The following IQGAP2 variants were observed in gnomAD, a reference collection of about 807,000 sequenced individuals.
IQGAP2 encodes IQ motif containing GTPase activating protein 2, also known as ras GTPase-activating-like protein IQGAP2.
A neutral mutation model predicts 201.3 loss-of-function variants in IQGAP2; 173 were observed. The observed-to-expected ratio is 0.86, with a 90% confidence interval of 0.76 to 0.98. The LOEUF (loss-of-function observed/expected upper bound fraction) is 0.98, where lower values mean the gene tolerates loss of function less well. Among genes scored for constraint, IQGAP2 ranks in the 50% least tolerant of loss-of-function variants. IQGAP2 has a pLI of 0.00. For missense variants in IQGAP2, 1,687 were observed against 1,864.8 expected (o/e 0.90, Z 1.76); for synonymous variants, 675 against 673.9 (o/e 1.00, Z -0.03).
intron 2 of IQGAP2, among the ~76,000 whole-genome samples, chr5:76,491,300 G>C (rs940893369): frequency 6.6e-6 from 1 of 152,132 alleles, no homozygotes; most frequent in African/African-American, 2.4e-5. Context: ...ACAGTGGAAA[G>C]ATTAGGAAGA....
intron 13 of IQGAP2, chr5:76,618,606 G>C (rs1749264046): frequency 1.2e-6 from 2 of 1,613,534 alleles, no homozygotes; most frequent in East Asian, 4.5e-5. Context: ...AATGGGTAAG[G>C]TTGGCTTTGC....
At chr5:76,489,158 G>A (rs1470639513) in intron 2 of IQGAP2, among the ~76,000 whole-genome samples, 16 of 152,138 alleles carry the variant, frequency 1.1e-4, no homozygotes, top group Admixed American at 9.8e-4. Flanking sequence ...CATGGAACAC[G>A]CAGGTGAACA....
chr5:76,558,100 C>T (rs776506384), intron 2 of IQGAP2, among the ~76,000 whole-genome samples: 8 of 152,146 alleles, frequency 5.3e-5, no homozygotes, highest in Non-Finnish European at 1.0e-4. Context: ...CCACCATGCC[C>T]GGCCTGGTAT....
intron 13 of IQGAP2, among the ~76,000 whole-genome samples, chr5:76,614,228 A>G (rs1748686775): frequency 6.6e-6 from 1 of 152,168 alleles, no homozygotes; most frequent in South Asian, 2.1e-4. Context: ...GTCCTTTGAA[A>G]GAAGCCCCTG....
Position 76,608,880 on chromosome 5 carries a change from C to T in IQGAP2, c.1358-2140C>T, listed in dbSNP as rs115679888. On this transcript the variant is annotated intron_variant, in intron 12 of 35. Coordinates refer to ENST00000274364, the MANE Select transcript of IQGAP2 (RefSeq NM_006633.5). ...GTTACCTCATCTGCTGCCTCAAATA[C>T]ATGAACTCTAAAAGAACGCCCACTC... 8.1e-3 allele frequency: 3,518 copies of T among 436,902 alleles called. 31 individuals are homozygous for T. The highest frequency in any genetic ancestry group is 0.01 in the Non-Finnish European group (2,396 of 236,702). The allele number at this position is 436,902 out of a possible 1,614,324, so 27.1% of individuals were successfully genotyped here.
chr5:76,453,822 G>A (rs1753907019), intron 1 of IQGAP2, among the ~76,000 whole-genome samples: 1 of 152,154 alleles, frequency 6.6e-6, no homozygotes, highest in South Asian at 2.1e-4. Context: ...AACAGTTAAA[G>A]CATAAAAGGT....
chr5:76,421,309 T>C (rs1278296753), intron 1 of IQGAP2, among the ~76,000 whole-genome samples: 1 of 151,500 alleles, frequency 6.6e-6, no homozygotes, highest in Admixed American at 6.6e-5. Context: ...TAAAGAGCAA[T>C]GGGTATAAAG....
At chr5:76,533,698 T>G (rs1759457602) in intron 2 of IQGAP2, among the ~76,000 whole-genome samples, 2 of 151,960 alleles carry the variant, frequency 1.3e-5, no homozygotes, top group African/African-American at 2.4e-5. Context: ...CCACCACACC[T>G]GGCTAATTTT....
rs190164915 is a variant in IQGAP2 at position 76,551,345 on chromosome 5, G to A, written c.147-11051G>A. ...CACTTCCTAGATGGGATGGCAGCTG[G>A]GAAGAGGCACTCCTCACTTCCCAGA... On this transcript the variant is annotated intron_variant, in intron 2 of 35. Coordinates refer to ENST00000274364, the MANE Select transcript of IQGAP2 (RefSeq NM_006633.5). 6.0e-3 allele frequency among the ~76,000 whole-genome samples: 902 copies of A among 150,434 alleles called. 5 individuals carry two copies. Among genetic ancestry groups the A allele is most frequent in the African/African-American group, 0.021 (858 of 40,844 alleles).
intron 3 of IQGAP2, among the ~76,000 whole-genome samples, chr5:76,568,607 T>A (rs183434976): frequency 6.6e-6 from 1 of 152,288 alleles, no homozygotes; most frequent in Admixed American, 6.5e-5. Flanking sequence ...TCAAACAAGA[T>A]TAGGTTTATT....
chr5:76,457,558 T>A (rs890125463), intron 1 of IQGAP2, among the ~76,000 whole-genome samples: 2 of 152,182 alleles, frequency 1.3e-5, no homozygotes, highest in African/African-American at 4.8e-5. Flanking sequence ...GTTGAACAAA[T>A]GAGTGAATTT....
rs56929376 is a variant in IQGAP2 at position 76,501,643 on chromosome 5, C to CTTTTTTTTTTTT, written c.146+39977_146+39988dup. Among the ~76,000 whole-genome samples, 25 of 101,120 alleles carry CTTTTTTTTTTTT rather than the reference C, an allele frequency of 2.5e-4. 8 individuals are homozygous for CTTTTTTTTTTTT. Among genetic ancestry groups the CTTTTTTTTTTTT allele is most frequent in the East Asian group, 7.9e-4 (3 of 3,776 alleles). The allele number at this position is 101,120 out of a possible 152,430, so 66.3% of individuals were successfully genotyped here. A position where few individuals can be genotyped will look rare whatever the true frequency, so the allele number is the denominator to read the frequency against. On this transcript the variant is annotated intron_variant, in intron 2 of 35. Transcript: ENST00000274364. ...CCTGCTGCATTTTCTTTTTCCTTTT[C>CTTTTTTTTTTTT]TTTTTTTTTTTTTTCCTTGAGACAG... is the stretch of plus-strand genomic sequence containing the variant.
chr5:76,477,689 G>A (rs1220862972), intron 2 of IQGAP2, among the ~76,000 whole-genome samples: 1 of 152,122 alleles, frequency 6.6e-6, no homozygotes, highest in African/African-American at 2.4e-5. Context: ...AATGGCCCCA[G>A]GCAGGCCCTT....
At chr5:76,453,208 C>T (rs1753878906) in intron 1 of IQGAP2, among the ~76,000 whole-genome samples, 1 of 152,136 alleles carries the variant, frequency 6.6e-6, no homozygotes, top group Non-Finnish European at 1.5e-5. Flanking sequence ...GCCACCGCAC[C>T]CAGCCTTCAA....
chr5:76,591,912 C>T (rs969819852), intron 8 of IQGAP2, among the ~76,000 whole-genome samples: 7 of 152,106 alleles, frequency 4.6e-5, no homozygotes, highest in Non-Finnish European at 7.4e-5. Context: ...GAATGATGGC[C>T]GGGTTTGTCT....
chr5:76,644,814 G>T (rs421666), intron 17 of IQGAP2, among the ~76,000 whole-genome samples: 143,498 of 152,246 alleles, frequency 0.94, 67,918 homozygotes, highest in African/African-American at 0.99. Context: ...GCAAATGAAA[G>T]ATGAGGCATG....
chr5:76,578,054 G>A (rs1745587893), intron 5 of IQGAP2, among the ~76,000 whole-genome samples: 1 of 152,120 alleles, frequency 6.6e-6, no homozygotes, highest in Non-Finnish European at 1.5e-5. Context: ...CCTATTCCCT[G>A]TCATCTTGAT....
chr5:76,565,636 A>G (rs1744692456), intron 3 of IQGAP2, among the ~76,000 whole-genome samples: 2 of 152,206 alleles, frequency 1.3e-5, no homozygotes, highest in South Asian at 2.1e-4. Context: ...ATGTGCCTCT[A>G]TGCCCCATCC....
chr5:76,585,371 A>G (rs1192591161), intron 5 of IQGAP2, among the ~76,000 whole-genome samples: 1 of 152,078 alleles, frequency 6.6e-6, no homozygotes, highest in Non-Finnish European at 1.5e-5. Flanking sequence ...CACTTTTTTT[A>G]TAGTTTTCTT....
Sources: allele counts gnomAD v4.1 joint callset (sites outside exome capture counted in the v4.1 genomes callset), GRCh38; gene constraint gnomAD v4.1.1; transcripts MANE v1.5; gene names NCBI Gene and HGNC (gene_info 2026-07-23, HGNC 2026-07-21).